Variants in NLRP14 observed in about 807,000 individuals in gnomAD.
NLRP14 encodes NACHT, LRR and PYD domains-containing protein 14.
In NLRP14, 105 loss-of-function variants were observed where a neutral mutation model predicts 94.7. The ratio of observed to expected loss-of-function variants is 1.11; its 90% CI spans 0.95 to 1.30. The LOEUF (loss-of-function observed/expected upper bound fraction) is 1.30. Among genes scored for constraint, NLRP14 ranks in the 50% most tolerant of loss-of-function variants. The probability of loss-of-function intolerance (pLI) is 0.00; values close to 1 mark genes in which losing one functional copy is unlikely to be tolerated. For missense variants in NLRP14, 1,362 were observed against 1,254.1 expected (o/e 1.09, Z -1.30); for synonymous variants, 508 against 459.9 (o/e 1.10, Z -1.34).
rs940461983 is a variant in NLRP14, at chr11:7,068,478, G to T, written c.2976-1808G>T. ...CTAGAACTTTTTTCTTCAACTAATA[G>T]GTTATTTGTAAACATACTCCTTAAT... On this transcript the variant is annotated intron_variant, in intron 10 of 11. Transcript: ENST00000299481. Among the ~76,000 whole-genome samples the T allele has an allele frequency of 7.6e-4, 115 of 151,994 alleles. 1 individual carries two copies. Among genetic ancestry groups the T allele is most frequent in the African/African-American group, 2.5e-3 (105 of 41,456 alleles).
Position 7,059,840 on chromosome 11 carries a change from T to A in NLRP14, c.2634-54T>A, listed in dbSNP as rs930162191. The A allele has an allele frequency of 1.3e-5, 19 of 1,459,998 alleles. No individual in the cohort carries two copies. The South Asian group carries it at 2.2e-4, about 17-fold the overall frequency. 90.4% of individuals were successfully genotyped at this position (1,459,998 alleles called of 1,614,324 possible). A position where few individuals can be genotyped will look rare whatever the true frequency, so the allele number is the denominator to read the frequency against. On this transcript the variant is annotated intron_variant, in intron 8 of 11. Coordinates refer to ENST00000299481, the MANE Select transcript of NLRP14 (RefSeq NM_176822.4). ...CATGAAATCTCTTCAGAGAAAGAAA[T>A]CTCTGGACAGTAGAGCAATGATTCC...
chr11:7,073,337 T>C (rs1362307667), downstream of NLRP14, among the ~76,000 whole-genome samples: 4 of 152,200 alleles, frequency 2.6e-5, no homozygotes, highest in African/African-American at 9.7e-5. Flanking sequence ...TAAAGCCTTT[T>C]AACTTATTGT....
rs746002502 is a variant in NLRP14 at position 7,042,969 on chromosome 11, C to T, written c.943C>T (p.Leu315=). ...VTTRLTTSKR[L]KQLLKNHHYV... ...AACAAGACTCACAACTTCTAAGAGA[C>T]TAAAGCAGTTGTTGAAGAATCACCA... The change falls in exon 4 of 12, where the codon CTA becomes TTA. Residue 315 remains leucine, a synonymous_variant. Transcript: ENST00000299481. 7 of 1,614,036 alleles carry T rather than the reference C, an allele frequency of 4.3e-6. No individual in the cohort carries two copies. The highest frequency in any genetic ancestry group is 5.9e-6 in the Non-Finnish European group (7 of 1,179,934).
At chr11:7,083,335 A>C in the NLRP14 span, among the ~76,000 whole-genome samples, 2 of 152,252 alleles carry the variant, frequency 1.3e-5, no homozygotes, top group Non-Finnish European at 1.5e-5. Flanking sequence ...TCTGAGGAAA[A>C]TATCTCTCTG....
the NLRP14 span, among the ~76,000 whole-genome samples, chr11:7,079,822 C>A: frequency 6.6e-6 from 1 of 152,156 alleles, no homozygotes; most frequent in Admixed American, 6.5e-5. Flanking sequence ...GTGTCTTTCC[C>A]CCATTGGCTA....
intron 1 of NLRP14, among the ~76,000 whole-genome samples, chr11:7,021,401 C>A (rs1851933085): frequency 6.6e-6 from 1 of 152,130 alleles, no homozygotes; most frequent in South Asian, 2.1e-4. Context: ...ACACAATAAG[C>A]TCTTGCATTT....
the NLRP14 span, among the ~76,000 whole-genome samples, chr11:7,084,878 G>A: frequency 6.6e-6 from 1 of 152,138 alleles, no homozygotes; most frequent in Non-Finnish European, 1.5e-5. Flanking sequence ...TCTGAAGTTG[G>A]GGGTAATCTT....
At chr11:7,063,803 C>A (rs1225152093) in intron 10 of NLRP14, among the ~76,000 whole-genome samples, 2 of 152,054 alleles carry the variant, frequency 1.3e-5, no homozygotes, top group African/African-American at 4.8e-5. Flanking sequence ...TTCAAACATT[C>A]CCACAGGGGT....
At chr11:7,090,068 C>G in the NLRP14 span, 2 of 1,612,904 alleles carry the variant, frequency 1.2e-6, no homozygotes, top group South Asian at 1.1e-5. Flanking sequence ...GCTACTCACC[C>G]GATGCCTACA....
At chr11:7,045,735 G>A (rs187127574) in intron 4 of NLRP14, among the ~76,000 whole-genome samples, 271 of 151,444 alleles carry the variant, frequency 1.8e-3, no homozygotes, top group Middle Eastern at 3.5e-3. Context: ...TACATGTTTT[G>A]TATATATTAT....
At chr11:7,054,729 C>T (rs1227231901) in intron 6 of NLRP14, among the ~76,000 whole-genome samples, 1 of 151,974 alleles carries the variant, frequency 6.6e-6, no homozygotes, top group Middle Eastern at 3.2e-3. Flanking sequence ...GTAGTTAGCA[C>T]ATATTTTCTT....
intron 6 of NLRP14, among the ~76,000 whole-genome samples, chr11:7,050,361 C>T (rs565009170): frequency 2.6e-5 from 4 of 152,182 alleles, no homozygotes; most frequent in Non-Finnish European, 5.9e-5. Flanking sequence ...TGCTGGCTAC[C>T]ACACACTATT....
chr11:7,066,330 G>A (rs998786748), intron 10 of NLRP14, among the ~76,000 whole-genome samples: 22 of 152,322 alleles, frequency 1.4e-4, no homozygotes, highest in African/African-American at 5.3e-4. Flanking sequence ...CACCAACAGT[G>A]TAAAAGTGTT....
intron 6 of NLRP14, 109 bp from the exon 7 acceptor site, chr11:7,057,568 A>G: frequency 9.5e-7 from 1 of 1,056,514 alleles, no homozygotes; most frequent in South Asian, 1.3e-5. Context: ...TGGATTTTTC[A>G]GGCAAGATTC....
intron 6 of NLRP14, among the ~76,000 whole-genome samples, chr11:7,051,226 A>G (rs1852437146): frequency 6.6e-6 from 1 of 152,242 alleles, no homozygotes; most frequent in Non-Finnish European, 1.5e-5. Flanking sequence ...CTCATACTCC[A>G]TTATGTGGGA....
intron 1 of NLRP14, among the ~76,000 whole-genome samples, chr11:7,033,191 G>A (rs1269447454): frequency 6.6e-6 from 1 of 152,186 alleles, no homozygotes; most frequent in East Asian, 1.9e-4. Context: ...CAAGTGCTTA[G>A]GAATTACAAG....
Position 7,030,954 on chromosome 11 carries a change from C to A in NLRP14, c.-21-7612C>A, listed in dbSNP as rs985919807. Among the ~76,000 whole-genome samples the A allele has an allele frequency of 3.9e-5, 6 of 152,282 alleles. No homozygotes were observed. In the East Asian group the frequency reaches 1.2e-3, roughly 30 times the overall value. ...ATGAGTGGAAGAGCAAGCATAGAGGCGGAGAGTGGGAGCAGAGCTCCCTTG... is the reference window on the plus strand; with the variant it reads ...ATGAGTGGAAGAGCAAGCATAGAGGAGGAGAGTGGGAGCAGAGCTCCCTTG... On this transcript the variant is annotated intron_variant, in intron 1 of 11. Transcript: ENST00000299481.
Position 7,042,992 on chromosome 11 carries a change from C to T in NLRP14, c.966C>T (p.His322=). ...GACTAAAGCAGTTGTTGAAGAATCA[C>T]CATTATGTAGAGCTACTAGGAATGT... is the stretch of plus-strand genomic sequence containing the variant. ...SKRLKQLLKN[H]HYVELLGMSE... The change falls in exon 4 of 12, where the codon CAC becomes CAT. Residue 322 remains histidine, a synonymous_variant. Coordinates refer to ENST00000299481, the MANE Select transcript of NLRP14 (RefSeq NM_176822.4). The T allele has an allele frequency of 2.5e-6, 4 of 1,614,122 alleles. No homozygotes were observed. The highest frequency in any genetic ancestry group is 2.5e-6 in the Non-Finnish European group (3 of 1,180,014).
chr11:7,079,177 A>G, the NLRP14 span, among the ~76,000 whole-genome samples: 5 of 152,294 alleles, frequency 3.3e-5, no homozygotes, highest in African/African-American at 4.8e-5. Context: ...CTCTTTCTCT[A>G]TGGTGGATAC....
Sources: gnomAD v4.1 joint callset for allele counts (sites outside exome capture counted in the v4.1 genomes callset) on GRCh38, gnomAD v4.1.1 for gene constraint, MANE v1.5 for transcripts, NCBI Gene and HGNC (gene_info 2026-07-23, HGNC 2026-07-21) for gene names.